The following UBR3 variants were observed in gnomAD, a reference collection of about 807,000 sequenced individuals.
The protein encoded by UBR3 is E3 ubiquitin-protein ligase UBR3.
A neutral mutation model predicts 243.2 loss-of-function variants in UBR3; 85 were observed. The ratio of observed to expected loss-of-function variants is 0.35; its 90% CI spans 0.29 to 0.42. The LOEUF is 0.42. UBR3 is among the 10% of genes least tolerant of loss of function. The pLI, the probability that UBR3 is intolerant of heterozygous loss-of-function variation, is 1.00. For synonymous variants in UBR3, 748 were observed against 799.8 expected (o/e 0.94, Z 1.09); for missense variants, 1,686 against 2,300.8 (o/e 0.73, Z 5.47).
chr2:169,956,168 T>A (rs1467514462), intron 23 of UBR3, among the ~76,000 whole-genome samples: 2 of 151,774 alleles, frequency 1.3e-5, no homozygotes, highest in Non-Finnish European at 2.9e-5. Flanking sequence ...ACTCTGTAAC[T>A]CTCTACTTCT....
At chr2:169,838,460 T>G (rs1428326128) in intron 1 of UBR3, among the ~76,000 whole-genome samples, 1 of 145,874 alleles carries the variant, frequency 6.9e-6, no homozygotes, top group Non-Finnish European at 1.5e-5. Context: ...TGGTGAGGCC[T>G]TCTTGCATAC....
At chr2:169,875,738 G>T in intron 2 of UBR3, 53 bp from the exon 3 acceptor site, 1 of 1,391,088 alleles carries the variant, frequency 7.2e-7, no homozygotes, top group South Asian at 1.6e-5. Context: ...TTTTTAGTAA[G>T]ATATTTTAAA....
intron 3 of UBR3, among the ~76,000 whole-genome samples, chr2:169,876,502 G>A (rs2083615654): frequency 6.8e-6 from 1 of 146,686 alleles, no homozygotes; most frequent in African/African-American, 2.5e-5. Flanking sequence ...AACTTTTGGT[G>A]TGACATGATA....
intron 1 of UBR3, among the ~76,000 whole-genome samples, chr2:169,860,305 T>C (rs2083043993): frequency 6.6e-6 from 1 of 152,080 alleles, no homozygotes; most frequent in South Asian, 2.1e-4. Context: ...TCTTCCTTAG[T>C]GAGGGTTGGA....
intron 1 of UBR3, among the ~76,000 whole-genome samples, chr2:169,833,227 A>C (rs774501998): frequency 5.3e-5 from 8 of 152,242 alleles, no homozygotes; most frequent in Non-Finnish European, 1.2e-4. Context: ...TCAAGGGTCA[A>C]CTGTAATGTC....
chr2:170,037,392 A>G (rs1260379317), intron 31 of UBR3, among the ~76,000 whole-genome samples: 1 of 151,738 alleles, frequency 6.6e-6, no homozygotes, highest in African/African-American at 2.4e-5. Context: ...CCCCTCACTT[A>G]TAATTTTTTT....
intron 27 of UBR3, among the ~76,000 whole-genome samples, chr2:170,004,214 T>C (rs887668924): frequency 2.0e-5 from 3 of 151,954 alleles, no homozygotes; most frequent in African/African-American, 7.2e-5. Flanking sequence ...TCTATGAAAA[T>C]GGAGAGGAGA....
At position 170,079,242 on chromosome 2, in the gene UBR3, C is replaced by T. The variant is rs370852713; in HGVS notation, c.5200-572C>T. 2.3e-4 allele frequency among the ~76,000 whole-genome samples: 35 copies of T among 152,150 alleles called. No homozygotes were observed. The South Asian group carries it at 7.2e-3, about 32-fold the overall frequency. The stretch of plus-strand genomic sequence containing the variant: ...TTTGACAATTTTTTTATTCTTATAG[C>T]AAGACATTTATGAAAAGAATTGTAG... On this transcript the variant is annotated intron_variant, in intron 36 of 38. Coordinates refer to ENST00000272793, the MANE Select transcript of UBR3 (RefSeq NM_172070.4).
At chr2:169,887,836 G>GCA (rs201918836) in intron 5 of UBR3, among the ~76,000 whole-genome samples, 7,548 of 151,406 alleles carry the variant, frequency 0.05, 225 homozygotes, top group Non-Finnish European at 0.076. Context: ...GAGTGCAATG[G>GCA]CACGATCTTG....
Position 169,881,853 on chromosome 2 carries a change from G to C in UBR3, c.1038+3279G>C, listed in dbSNP as rs550524427. Among the ~76,000 whole-genome samples, 296 of 131,838 alleles carry C rather than the reference G, an allele frequency of 2.2e-3. 2 individuals carry two copies. Among genetic ancestry groups the C allele is most frequent in the African/African-American group, 7.1e-3 (253 of 35,494 alleles). The allele number at this position is 131,838 out of a possible 152,430, so 86.5% of individuals were successfully genotyped here. A position where few individuals can be genotyped will look rare whatever the true frequency, so the allele number is the denominator to read the frequency against. ...TGTATGTATACATGTATACATATAC[G>C]TATATGTGTATATGTATACATATAG... is the stretch of plus-strand genomic sequence containing the variant. On this transcript the variant is annotated intron_variant, in intron 5 of 38. Coordinates refer to ENST00000272793, the MANE Select transcript of UBR3 (RefSeq NM_172070.4).
chr2:170,079,733 T>G, intron 36 of UBR3, 81 bp from the exon 37 acceptor site: 2 of 1,299,306 alleles, frequency 1.5e-6, no homozygotes, highest in Non-Finnish European at 2.1e-6. Context: ...TTTTTCTTTC[T>G]GTAAAAATAC....
chr2:170,040,677 A>G (rs2105431571), intron 31 of UBR3, among the ~76,000 whole-genome samples: 1 of 152,074 alleles, frequency 6.6e-6, no homozygotes, highest in Middle Eastern at 3.4e-3. Flanking sequence ...TTTTCTATAC[A>G]TTTTCTTCAT....
At chr2:169,980,623 T>G (rs2088679993) in intron 24 of UBR3, among the ~76,000 whole-genome samples, 1 of 152,120 alleles carries the variant, frequency 6.6e-6, no homozygotes, top group Non-Finnish European at 1.5e-5. Context: ...GTTTCTTTTT[T>G]TTTTTAATTA....
At chr2:169,884,478 A>G (rs2084016335) in intron 5 of UBR3, among the ~76,000 whole-genome samples, 1 of 152,222 alleles carries the variant, frequency 6.6e-6, no homozygotes, top group Non-Finnish European at 1.5e-5. Context: ...GTAAAGCAGA[A>G]GAAAATATAC....
chr2:169,892,574 T>G (rs975008633), intron 6 of UBR3, among the ~76,000 whole-genome samples: 4 of 152,202 alleles, frequency 2.6e-5, no homozygotes, highest in Non-Finnish European at 5.9e-5. Flanking sequence ...GAAATAGTAC[T>G]GAAATTTAAA....
In UBR3 at chr2:169,927,417, A is replaced by C. The variant is rs1265026354; in HGVS notation, c.2424+12A>C. The C allele has an allele frequency of 6.6e-7, 1 of 1,525,494 alleles. No individual in the cohort carries two copies. Among genetic ancestry groups the C allele is most frequent in the Non-Finnish European group, 8.8e-7 (1 of 1,134,720 alleles). 94.5% of individuals were successfully genotyped at this position (1,525,494 alleles called of 1,614,324 possible). On this transcript the variant is annotated intron_variant, in intron 17 of 38. Coordinates refer to ENST00000272793, the MANE Select transcript of UBR3 (RefSeq NM_172070.4). ...CATTGCTGGACCTCATATCCTTTTA[A>C]AATTTTACTTTCTGTTAGTTGCAGG...
intron 1 of UBR3, among the ~76,000 whole-genome samples, chr2:169,845,852 A>G (rs1467718977): frequency 6.6e-6 from 1 of 152,110 alleles, no homozygotes; most frequent in African/African-American, 2.4e-5. Context: ...CCAGAATGCT[A>G]GGAGTACAGG....
chr2:169,913,306 G>T (rs543100802), intron 10 of UBR3, among the ~76,000 whole-genome samples: 1 of 151,104 alleles, frequency 6.6e-6, no homozygotes, highest in South Asian at 2.1e-4. Context: ...TATTTTCTTG[G>T]AAGAAATGTC....
At position 170,083,275 on chromosome 2, in the gene UBR3, T is replaced by C. The variant is rs2091934570; in HGVS notation, c.*1432T>C. ...TAAATCATGGCCTTGCATTAAAATA[T>C]GGAAAGCAGAGCAGTACATATTCAA... On this transcript the variant is annotated 3_prime_UTR_variant, in exon 39 of 39. Transcript: ENST00000272793. 5 of 152,582 alleles carry C rather than the reference T, an allele frequency of 3.3e-5. No homozygotes were observed. The South Asian group carries it at 1.0e-3, about 32-fold the overall frequency. The allele number at this position is 152,582 out of a possible 1,614,324, so 9.5% of individuals were successfully genotyped here. A position where few individuals can be genotyped will look rare whatever the true frequency, so the allele number is the denominator to read the frequency against.
Sources: gnomAD v4.1 joint callset for allele counts (sites outside exome capture counted in the v4.1 genomes callset) on GRCh38, gnomAD v4.1.1 for gene constraint, MANE v1.5 for transcripts, NCBI Gene and HGNC (gene_info 2026-07-23, HGNC 2026-07-21) for gene names.